The following TMEM217 variants were observed in gnomAD, a reference collection of about 807,000 sequenced individuals.
TMEM217 encodes the protein transmembrane protein 217, also known as chromosome 6 open reading frame 128.
For missense variants in TMEM217, 204 were observed against 248.8 expected (o/e 0.82, Z 1.21); for synonymous variants, 76 against 88.3 (o/e 0.86, Z 0.78).
intron 1 of TMEM217, among the ~76,000 whole-genome samples, chr6:37,235,678 T>C (rs1252297389): frequency 6.6e-6 from 1 of 152,100 alleles, no homozygotes; most frequent in African/African-American, 2.4e-5. Flanking sequence ...ATGTATTTCT[T>C]ATGGTTCTGG....
At chr6:37,223,001 T>C (rs1763628827) in intron 1 of TMEM217, among the ~76,000 whole-genome samples, 1 of 152,094 alleles carries the variant, frequency 6.6e-6, no homozygotes, top group Non-Finnish European at 1.5e-5. Flanking sequence ...TCAGTGGACA[T>C]AAATGGTAGC....
intron 1 of TMEM217, among the ~76,000 whole-genome samples, chr6:37,244,393 G>A (rs577827586): frequency 1.3e-5 from 2 of 152,312 alleles, no homozygotes; most frequent in South Asian, 2.1e-4. Flanking sequence ...GAGAAAAACC[G>A]TAAACTTCTA....
downstream of TMEM217, chr6:37,215,352 G>A (rs1359806329): frequency 1.4e-5 from 22 of 1,530,458 alleles, no homozygotes; most frequent in South Asian, 8.2e-5. Context: ...TGAGGCAGGC[G>A]GATCACGAGG....
At position 37,243,838 on chromosome 6, in the gene TMEM217, T is replaced by C. The variant is rs1344161269; in HGVS notation, c.-12+13730A>G. ...TGCTGACTGGTGGGGAATGCCATCA[T>C]AAGGATGTGGAAAACTCCTTGTGTG... On this transcript the variant is annotated intron_variant, in intron 1 of 1. Transcript: ENST00000357219. 2.0e-5 allele frequency among the ~76,000 whole-genome samples: 3 copies of C among 152,120 alleles called. No individual in the cohort carries two copies. In the East Asian group the frequency reaches 5.8e-4, roughly 29 times the overall value.
chr6:37,215,317 T>C, downstream of TMEM217: 1 of 1,606,578 alleles, frequency 6.2e-7, no homozygotes, highest in South Asian at 1.1e-5. Flanking sequence ...ATAAAAATTG[T>C]TTTTAATTAA....
chr6:37,244,652 ATG>A (rs1453291467), intron 1 of TMEM217, among the ~76,000 whole-genome samples: 3 of 152,258 alleles, frequency 2.0e-5, no homozygotes, highest in Non-Finnish European at 4.4e-5. Context: ...GGAGAATCAT[ATG>A]TGTGTTGGCC....
chr6:37,239,889 A>AT (rs1764677679), intron 1 of TMEM217, among the ~76,000 whole-genome samples: 1 of 147,582 alleles, frequency 6.8e-6, no homozygotes, highest in East Asian at 1.9e-4. Context: ...ACCCCAGCTC[A>AT]TTAAAAAAAA....
intron 1 of TMEM217, among the ~76,000 whole-genome samples, chr6:37,229,335 G>GTTTTATTTTTT (rs1764040235): frequency 1.3e-5 from 1 of 74,368 alleles, no homozygotes; most frequent in Non-Finnish European, 2.3e-5. Context: ...GCAACTTTCA[G>GTTTTATTTTTT]TTTTTTTTTT....
At chr6:37,218,477 G>A (rs773610079) in exon 2 of TMEM217, 21 of 1,613,730 alleles carry the variant, frequency 1.3e-5, no homozygotes, top group Admixed American at 1.7e-5. Flanking sequence ...GAACCCACTC[G>A]AAATTGATAA....
intron 1 of TMEM217, among the ~76,000 whole-genome samples, chr6:37,231,210 C>T (rs1436038485): frequency 1.3e-5 from 2 of 149,570 alleles, no homozygotes; most frequent in African/African-American, 4.9e-5. Context: ...CAGGTGCAAG[C>T]CACCATGCCT....
At chr6:37,224,778 G>A (rs192054409) in intron 1 of TMEM217, among the ~76,000 whole-genome samples, 34 of 152,136 alleles carry the variant, frequency 2.2e-4, no homozygotes, top group African/African-American at 8.0e-4. Context: ...TTTCAAGATT[G>A]AGAGCACACA....
intron 1 of TMEM217, among the ~76,000 whole-genome samples, chr6:37,234,389 C>A (rs775628290): frequency 6.6e-6 from 1 of 152,286 alleles, no homozygotes; most frequent in South Asian, 2.1e-4. Flanking sequence ...CGTGAGCCAC[C>A]ACGCCTTGCC....
intron 1 of TMEM217, among the ~76,000 whole-genome samples, chr6:37,232,716 C>T (rs1764273241): frequency 6.6e-6 from 1 of 152,218 alleles, no homozygotes; most frequent in Non-Finnish European, 1.5e-5. Flanking sequence ...TCCTCCTCTA[C>T]CCTGTTGTTA....
chr6:37,244,871 A>G (rs1237114367), intron 1 of TMEM217, among the ~76,000 whole-genome samples: 1 of 152,188 alleles, frequency 6.6e-6, no homozygotes, highest in East Asian at 1.9e-4. Flanking sequence ...GGCTCAGCTA[A>G]TTCATACGTC....
chr6:37,248,108 C>G (rs979670147), intron 1 of TMEM217, among the ~76,000 whole-genome samples: 3 of 152,098 alleles, frequency 2.0e-5, no homozygotes, highest in African/African-American at 7.2e-5. Flanking sequence ...CAAGGCCTTC[C>G]TCAGCTTCCC....
intron 1 of TMEM217, among the ~76,000 whole-genome samples, chr6:37,230,650 C>T (rs1254915959): frequency 1.3e-5 from 2 of 152,116 alleles, no homozygotes; most frequent in South Asian, 2.1e-4. Context: ...AAAACCCCAA[C>T]GCTACTGACA....
At chr6:37,229,483 C>T (rs1764070124) in intron 1 of TMEM217, among the ~76,000 whole-genome samples, 1 of 151,762 alleles carries the variant, frequency 6.6e-6, no homozygotes, top group Non-Finnish European at 1.5e-5. Context: ...GCTGGGACTA[C>T]AGGCGCCCGC....
At chr6:37,244,804 G>A (rs566470284) in intron 1 of TMEM217, among the ~76,000 whole-genome samples, 1 of 152,344 alleles carries the variant, frequency 6.6e-6, no homozygotes, top group African/African-American at 2.4e-5. Flanking sequence ...ATCTCAGCTG[G>A]ACTCGCTCAA....
downstream of TMEM217, among the ~76,000 whole-genome samples, chr6:37,213,721 T>A (rs988874253): frequency 6.6e-6 from 1 of 152,252 alleles, no homozygotes; most frequent in Non-Finnish European, 1.5e-5. Flanking sequence ...GAGCCGACCC[T>A]GCTGAGGGCA....
Sources: allele counts gnomAD v4.1 joint callset (sites outside exome capture counted in the v4.1 genomes callset), GRCh38; gene constraint gnomAD v4.1.1; transcripts MANE v1.5; gene names NCBI Gene and HGNC (gene_info 2026-07-23, HGNC 2026-07-21).